LPL: variants seen among roughly 807,000 people sequenced by gnomAD.
The protein encoded by LPL is phospholipase A1.
A neutral mutation model predicts 52.2 loss-of-function variants in LPL; 43 were observed. The observed-to-expected ratio is 0.82, with a 90% CI of 0.64 to 1.06. The LOEUF (loss-of-function observed/expected upper bound fraction) is 1.06. LPL is among the 50% of genes least tolerant of loss of function. LPL has a pLI of 0.00. For synonymous variants in LPL, 244 were observed against 215.6 expected, an observed-to-expected ratio of 1.13 and a Z score of -1.15; for missense variants, 639 against 585.3, an observed-to-expected ratio of 1.09 and a Z score of -0.95.
chr8:19,961,991 G>T (rs1016918357), intron 8 of LPL, 124 bp from the exon 9 acceptor site: 16 of 741,084 alleles, frequency 2.2e-5, no homozygotes, highest in Middle Eastern at 2.4e-4. Context: ...TAATTATTGG[G>T]AATATCAAAA....
intron 9 of LPL, among the ~76,000 whole-genome samples, chr8:19,962,913 G>A (rs934612657): frequency 6.6e-6 from 1 of 152,168 alleles, no homozygotes; most frequent in African/African-American, 2.4e-5. Context: ...CTAAGCATGT[G>A]ACCTTCACTA....
At chr8:19,949,796 C>T (rs2069917441) in intron 2 of LPL, among the ~76,000 whole-genome samples, 1 of 152,138 alleles carries the variant, frequency 6.6e-6, no homozygotes, top group Admixed American at 6.6e-5. Flanking sequence ...AAAAAGGAAT[C>T]TTTAGAGGCC....
intron 4 of LPL, 69 bp downstream of exon 4, chr8:19,953,490 A>G: frequency 8.1e-7 from 1 of 1,235,860 alleles, no homozygotes; most frequent in Non-Finnish European, 1.2e-6. Flanking sequence ...GAGAATCAGA[A>G]CAAATTTTGT....
At chr8:19,947,349 C>A (rs1189311813) in intron 1 of LPL, among the ~76,000 whole-genome samples, 1 of 151,750 alleles carries the variant, frequency 6.6e-6, no homozygotes, top group East Asian at 1.9e-4. Flanking sequence ...TACTAAAAAT[C>A]CAAAAATTAA....
intron 1 of LPL, among the ~76,000 whole-genome samples, chr8:19,943,330 T>C (rs1470621412): frequency 6.6e-6 from 1 of 152,300 alleles, no homozygotes; most frequent in East Asian, 1.9e-4. Context: ...CAACAGCCCT[T>C]CATTCAAGAT....
At position 19,955,101 on chromosome 8, in the gene LPL, A is replaced by G. The variant is rs1210738775; in HGVS notation, c.776-740A>G. Reference sequence around the variant, plus strand: ...TTGTGCACGTAATAGAACTTAGAGCATATTGTTACTATTTTCGATTGTCCT... The same window carrying G: ...TTGTGCACGTAATAGAACTTAGAGCGTATTGTTACTATTTTCGATTGTCCT... On this transcript the variant is annotated intron_variant, in intron 5 of 9. Transcript: ENST00000650287. 2.6e-5 allele frequency among the ~76,000 whole-genome samples: 4 copies of G among 152,168 alleles called. No individual in the cohort carries two copies. The South Asian group carries it at 8.3e-4, about 32-fold the overall frequency.
chr8:19,959,920 C>G (rs2070023042), intron 7 of LPL, among the ~76,000 whole-genome samples: 1 of 150,952 alleles, frequency 6.6e-6, no homozygotes, highest in Non-Finnish European at 1.5e-5. Context: ...TCCCGAGTAG[C>G]TGGGGCTGCA....
At chr8:19,965,243 G>A in intron 9 of LPL, 67 bp from the exon 10 acceptor site, 2 of 773,534 alleles carry the variant, frequency 2.6e-6, no homozygotes, top group East Asian at 2.4e-5. Flanking sequence ...AACCAGTGGG[G>A]GACAGGCGGG....
rs779784166 is a variant in LPL at position 19,956,064 on chromosome 8, T to C, written c.999T>C (p.Arg333=). 6.2e-7 allele frequency: 1 copy of C among 1,614,066 alleles called. No homozygotes were observed. Among genetic ancestry groups the C allele is most frequent in the Non-Finnish European group, 8.5e-7 (1 of 1,180,028 alleles). Residue 333 remains arginine (R), a synonymous_variant, in exon 6 of 10, where the codon CGT becomes CGC. Transcript: ENST00000650287. ...GCAGCAAAATGTACCTGAAGACTCG[T>C]TCTCAGATGCCCTACAAAGGTAGGC... is the stretch of plus-strand genomic sequence containing the variant. The part of the protein sequence containing the change: ...KRSSKMYLKT[R]SQMPYKVFHY...
intron 9 of LPL, 103 bp from the exon 10 acceptor site, chr8:19,965,207 C>A: frequency 1.3e-6 from 1 of 754,264 alleles, no homozygotes; most frequent in South Asian, 1.4e-5. Flanking sequence ...TTCTGAAATT[C>A]CATTTGAAGG....
At position 19,966,328 on chromosome 8, in the gene LPL, T is replaced by C. The variant is rs901218326; in HGVS notation, c.*1018T>C. ...TCAAATTTTGCATTGTGTGAGCTTC[T>C]ACAGATTTTAGACAAGGACCGTTTT... On this transcript the variant is annotated 3_prime_UTR_variant, in exon 10 of 10. Coordinates refer to ENST00000650287, the MANE Select transcript of LPL (RefSeq NM_000237.3). The C allele has an allele frequency of 4.6e-5, 7 of 152,148 alleles. No individual in the cohort carries two copies. Among genetic ancestry groups the C allele is most frequent in the Admixed American group, 4.6e-4 (7 of 15,276 alleles). The allele number at this position is 152,148 out of a possible 1,614,324, so 9.4% of individuals were successfully genotyped here.
intron 9 of LPL, among the ~76,000 whole-genome samples, chr8:19,962,774 G>C (rs972512374): frequency 3.3e-5 from 5 of 152,336 alleles, no homozygotes; most frequent in African/African-American, 4.8e-5. Flanking sequence ...AACAGAATGA[G>C]AGTTATAGGA....
intron 1 of LPL, among the ~76,000 whole-genome samples, chr8:19,942,940 C>T (rs1467654724): frequency 6.6e-6 from 1 of 152,202 alleles, no homozygotes; most frequent in Non-Finnish European, 1.5e-5. Flanking sequence ...TTGCTCTTCC[C>T]AGTCTGTGCT....
At chr8:19,951,733 T>TG (rs780625931) in intron 2 of LPL, 36 bp from the exon 3 acceptor site, 1 of 1,611,712 alleles carries the variant, frequency 6.2e-7, no homozygotes, top group South Asian at 1.1e-5. Flanking sequence ...AAGTGGTAGG[T>TG]GGGTATTTTA....
intron 4 of LPL, 32 bp from the exon 5 acceptor site, chr8:19,954,088 A>G (rs375347152): frequency 3.1e-5 from 46 of 1,499,990 alleles, no homozygotes; most frequent in East Asian, 6.8e-5. Context: ...GGAAATTTAC[A>G]AATCTGTGTT....
At position 19,939,567 on chromosome 8, in the gene LPL, C is replaced by T. The variant is rs1365615355; in HGVS notation, c.88+39C>T. On this transcript the variant is annotated intron_variant, in intron 1 of 9. Coordinates refer to ENST00000650287, the MANE Select transcript of LPL (RefSeq NM_000237.3). The surrounding 1 kb of genome is among the most constrained non-coding windows in gnomAD (Gnocchi z 4.0). The stretch of plus-strand genomic sequence containing the variant: ...GCAAACTCCCCTCCACCTGCAGACC[C>T]GGCGGGTGGCCACTGCCACCCGAAC... 5 of 1,576,564 alleles carry T rather than the reference C, an allele frequency of 3.2e-6. No individual in the cohort carries two copies. The highest frequency in any genetic ancestry group is 1.1e-5 in the South Asian group (1 of 87,442).
rs2069928540 is a variant in LPL at position 19,950,901 on chromosome 8, G to GGAAGGAAGGAAGGAATGAAT, written c.250-849_250-848insTGAAGGAAGGAAGGAATGAA. On this transcript the variant is annotated intron_variant, in intron 2 of 9. Transcript: ENST00000650287. This position sits in a 1 kb window ranked among gnomAD's most constrained non-coding sequence, Gnocchi z 4.2. ...AGGGAGGAAGGAAGGAAGGAATGAAGGAAGGAAGGAAGGAATGAAGGAAGG... is the reference window on the plus strand; with the variant it reads ...AGGGAGGAAGGAAGGAAGGAATGAAGGAAGGAAGGAAGGAATGAATGAAGGAAGGAAGGAATGAAGGAAGG... 1.3e-5 allele frequency among the ~76,000 whole-genome samples: 2 copies of GGAAGGAAGGAAGGAATGAAT among 148,238 alleles called. No homozygotes were observed. The highest frequency in any genetic ancestry group is 5.0e-5 in the African/African-American group (2 of 40,274).
At chr8:19,961,500 C>T (rs2070039028) in intron 8 of LPL, among the ~76,000 whole-genome samples, 1 of 151,988 alleles carries the variant, frequency 6.6e-6, no homozygotes, top group Non-Finnish European at 1.5e-5. Context: ...CTCAACCTGT[C>T]TCCGCAGCCC....
rs1469362208 is a variant in LPL at position 19,944,452 on chromosome 8, GGA to G, written c.89-3717_89-3716del. ...CCCTGTAGGAGTGAGAGAAAAGGGG[GGA>G]GAGAGAGAGAAAGGGGTGGGGGGAT... On this transcript the variant is annotated intron_variant, in intron 1 of 9. Coordinates refer to ENST00000650287, the MANE Select transcript of LPL (RefSeq NM_000237.3). This position sits in a 1 kb window ranked among gnomAD's most constrained non-coding sequence, Gnocchi z 4.2. Among the ~76,000 whole-genome samples the G allele has an allele frequency of 2.1e-5, 3 of 142,308 alleles. No individual in the cohort carries two copies. Among genetic ancestry groups the G allele is most frequent in the Non-Finnish European group, 4.6e-5 (3 of 65,698 alleles). 93.4% of individuals were successfully genotyped at this position (142,308 alleles called of 152,430 possible).
Sources: allele counts gnomAD v4.1 joint callset (sites outside exome capture counted in the v4.1 genomes callset), GRCh38; gene constraint gnomAD v4.1.1; non-coding constraint Gnocchi (gnomAD v3.1); transcripts MANE v1.5; gene names NCBI Gene and HGNC (gene_info 2026-07-23, HGNC 2026-07-21).